Variants in PIEZO2 observed in about 807,000 individuals in gnomAD.
The protein encoded by PIEZO2 is piezo type mechanosensitive ion channel component 2.
A neutral mutation model predicts 337.3 loss-of-function variants in PIEZO2; 172 were observed. The ratio of observed to expected loss-of-function variants is 0.51; its 90% confidence interval spans 0.45 to 0.58. The LOEUF (loss-of-function observed/expected upper bound fraction) is 0.58. Among genes scored for constraint, PIEZO2 ranks in the 20% least tolerant of loss-of-function variants. PIEZO2 has a pLI of 0.00. For missense variants in PIEZO2, 3,028 were observed against 3,391.3 expected (o/e 0.89, Z 2.66); for synonymous variants, 1,251 against 1,228.5 (o/e 1.02, Z -0.38).
intron 21 of PIEZO2, among the ~76,000 whole-genome samples, chr18:10,769,028 G>A (rs2038483003): frequency 6.6e-6 from 1 of 152,172 alleles, no homozygotes; most frequent in Non-Finnish European, 1.5e-5. Flanking sequence ...CTGTACCTCA[G>A]ACTGGATTTG....
In PIEZO2 at chr18:11,109,831, C is replaced by T. The variant is rs2039677844; in HGVS notation, c.64+38694G>A. On this transcript the variant is annotated intron_variant, in intron 1 of 55. Transcript: ENST00000674853. This position sits in a 1 kb window ranked among gnomAD's most constrained non-coding sequence, Gnocchi z 5.1. ...TGAAATCTTAGATATACAGATTTTT[C>T]CACAGATCTTTCTTTTCTTGCTTTC... 6.6e-6 allele frequency among the ~76,000 whole-genome samples: 1 copy of T among 152,132 alleles called. No homozygotes were observed. The highest frequency in any genetic ancestry group is 2.4e-5 in the African/African-American group (1 of 41,430).
intron 32 of PIEZO2, among the ~76,000 whole-genome samples, chr18:10,741,870 C>T (rs113034191): frequency 0.027 from 4,132 of 151,904 alleles, 102 homozygotes; most frequent in African/African-American, 0.066. Flanking sequence ...ACAAATTAAG[C>T]GGGCTGGGCT....
intron 2 of PIEZO2, among the ~76,000 whole-genome samples, chr18:10,992,072 GTGT>G (rs1173997835): frequency 2.0e-5 from 3 of 152,096 alleles, no homozygotes; most frequent in Non-Finnish European, 4.4e-5. Flanking sequence ...CTTTTTGATG[GTGT>G]TGTTTGTTTT....
chr18:11,023,339 C>T (rs963503866), intron 2 of PIEZO2, among the ~76,000 whole-genome samples: 3 of 152,110 alleles, frequency 2.0e-5, no homozygotes, highest in East Asian at 1.9e-4. Context: ...CAAAGGTTCT[C>T]CACCTACCCA....
chr18:10,880,883 ATATATATATATATATAT>A (rs1568159680), intron 4 of PIEZO2, among the ~76,000 whole-genome samples: 140 of 72,972 alleles, frequency 1.9e-3, no homozygotes, highest in Middle Eastern at 8.6e-3. Context: ...ATATATATAT[ATATATATATATATATAT>A]AATTTTGATA....
At chr18:11,079,776 C>A (rs1035233110) in intron 1 of PIEZO2, among the ~76,000 whole-genome samples, 5 of 152,222 alleles carry the variant, frequency 3.3e-5, no homozygotes, top group Admixed American at 2.0e-4. Context: ...GCCCTCATAA[C>A]CTTAAAGAAA....
At chr18:10,842,138 GA>G (rs1328205046) in intron 7 of PIEZO2, among the ~76,000 whole-genome samples, 2 of 140,952 alleles carry the variant, frequency 1.4e-5, no homozygotes, top group Non-Finnish European at 3.0e-5. Flanking sequence ...GACAAAGCGA[GA>G]CTCCGTCTCA....
chr18:10,981,647 G>A (rs373489437), intron 2 of PIEZO2, among the ~76,000 whole-genome samples: 17 of 152,268 alleles, frequency 1.1e-4, no homozygotes, highest in African/African-American at 3.6e-4. Context: ...GTTCCTGAGC[G>A]TGTCTGTGAG....
chr18:10,789,108 G>T lies in PIEZO2; in HGVS notation c.2140C>A (p.Leu714Met), dbSNP rs765207222. The T allele has an allele frequency of 1.2e-5, 19 of 1,537,126 alleles. No individual in the cohort carries two copies. The South Asian group carries it at 2.1e-4, about 17-fold the overall frequency. The change falls in exon 15 of 56, where the codon CTG (leucine) becomes ATG (methionine). Residue 714 changes from leucine (L) to methionine (M), a missense_variant. Physicochemically the swap from Leu to Met is conservative, Grantham distance 15. This residue lies in a region of PIEZO2 where 1,925 missense variants were observed against 2,051.9 expected (regional missense o/e 0.94). Transcript: ENST00000674853. ...TATAGGGCCACACAGAACAGGAACA[G>T]CACCATGTAGATGATTTTGTACATT... ...IVMYKIIYMV[L>M]FLFCVALYQV...
intron 32 of PIEZO2, among the ~76,000 whole-genome samples, chr18:10,741,757 C>T (rs1241550431): frequency 6.6e-6 from 1 of 152,088 alleles, no homozygotes; most frequent in African/African-American, 2.4e-5. Flanking sequence ...TACCAATGGT[C>T]AGGTGCCACA....
intron 52 of PIEZO2, 23 bp downstream of exon 52, chr18:10,680,176 A>C: frequency 3.2e-6 from 5 of 1,582,888 alleles, no homozygotes; most frequent in Non-Finnish European, 4.3e-6. Context: ...GGGATAAATT[A>C]TACATGGAAA....
At chr18:11,074,905 A>G (rs186711097) in intron 1 of PIEZO2, among the ~76,000 whole-genome samples, 1 of 152,344 alleles carries the variant, frequency 6.6e-6, no homozygotes, top group East Asian at 1.9e-4. Flanking sequence ...TATTAAAGGT[A>G]AGTGCTCTCA....
intron 1 of PIEZO2, among the ~76,000 whole-genome samples, chr18:11,124,682 C>T (rs948386277): frequency 3.9e-5 from 6 of 152,082 alleles, no homozygotes; most frequent in Admixed American, 2.6e-4. Context: ...AGGGTTCAAG[C>T]CCCAGGATGA....
At chr18:10,944,503 A>C (rs1466494340) in intron 3 of PIEZO2, among the ~76,000 whole-genome samples, 6 of 25,662 alleles carry the variant, frequency 2.3e-4, no homozygotes, top group Non-Finnish European at 4.3e-4. Flanking sequence ...ATATATATAT[A>C]TATCTTAGTA....
chr18:10,924,665 TAAG>T (rs1404984237), intron 3 of PIEZO2, among the ~76,000 whole-genome samples: 4 of 152,188 alleles, frequency 2.6e-5, no homozygotes, highest in African/African-American at 7.2e-5. Flanking sequence ...TTGAGAGAAA[TAAG>T]AAGAAAATAG....
chr18:10,782,393 ATAAATAAT>A (rs1278721855), intron 17 of PIEZO2, among the ~76,000 whole-genome samples: 1 of 87,926 alleles, frequency 1.1e-5, no homozygotes, highest in Admixed American at 1.7e-4. Flanking sequence ...ATAATTATAT[ATAAATAAT>A]TATATAATAT....
Position 11,104,956 on chromosome 18 carries a change from T to A in PIEZO2, c.65-38734A>T, listed in dbSNP as rs189090830. Among the ~76,000 whole-genome samples, 207 of 152,202 alleles carry A rather than the reference T, an allele frequency of 1.4e-3. 2 individuals are homozygous for A. Among genetic ancestry groups the A allele is most frequent in the Admixed American group, 0.012 (188 of 15,296 alleles). On this transcript the variant is annotated intron_variant, in intron 1 of 55. Transcript: ENST00000674853. This position sits in a 1 kb window ranked among gnomAD's most constrained non-coding sequence, Gnocchi z 4.6. Reference sequence around the variant, plus strand: ...GGGATCCCAGCAGGGCCACAGCGTGTCCTCTCTGGGACTTTCGCTGGAGCT... The same window carrying A: ...GGGATCCCAGCAGGGCCACAGCGTGACCTCTCTGGGACTTTCGCTGGAGCT...
intron 7 of PIEZO2, among the ~76,000 whole-genome samples, chr18:10,812,984 C>CTTTTTTTTTTTTTTT (rs5823122): frequency 6.8e-6 from 1 of 146,282 alleles, no homozygotes; most frequent in Non-Finnish European, 1.5e-5. Flanking sequence ...TTATTTTAAA[C>CTTTTTTTTTTTTTTT]TTTTTTTTTT....
intron 1 of PIEZO2, among the ~76,000 whole-genome samples, chr18:11,086,768 T>C (rs1235259883): frequency 6.6e-6 from 1 of 151,994 alleles, no homozygotes; most frequent in Non-Finnish European, 1.5e-5. Flanking sequence ...GTTTTTTTTT[T>C]TAACAGGAAG....
Sources: allele counts gnomAD v4.1 joint callset (sites outside exome capture counted in the v4.1 genomes callset), GRCh38; gene constraint gnomAD v4.1.1; regional missense constraint gnomAD v4.1.1; non-coding constraint Gnocchi (gnomAD v3.1); transcripts MANE v1.5; gene names NCBI Gene and HGNC (gene_info 2026-07-23, HGNC 2026-07-21).